Variants in PARP4 observed in about 807,000 individuals in gnomAD.
PARP4 encodes the protein poly(ADP-ribose) polymerase family member 4.
PARP4 carries 120 observed loss-of-function variants against 187.7 expected under a neutral mutation model. The ratio of observed to expected loss-of-function variants is 0.64; its 90% confidence interval spans 0.55 to 0.74. The LOEUF is 0.74. PARP4 is among the 30% of genes least tolerant of loss of function. The pLI is 0.00. For synonymous variants in PARP4, 654 were observed against 740.9 expected (o/e 0.88, Z 1.90); for missense variants, 1,836 against 2,070.5 (o/e 0.89, Z 2.20).
intron 8 of PARP4, among the ~76,000 whole-genome samples, 156 bp from the exon 9 acceptor site, chr13:24,492,750 G>A (rs140298647): frequency 6.6e-6 from 1 of 152,300 alleles, no homozygotes; most frequent in East Asian, 1.9e-4. Flanking sequence ...TATTGGAGAC[G>A]TATCTCAGTT....
chr13:24,443,598 T>G, intron 28 of PARP4, 52 bp downstream of exon 28: 1 of 1,301,366 alleles, frequency 7.7e-7, no homozygotes, highest in Non-Finnish European at 1.1e-6. Context: ...AAAATCAATG[T>G]AAGAATGCTC....
At chr13:24,499,605 G>A (rs1198175576) in intron 4 of PARP4, among the ~76,000 whole-genome samples, 1 of 152,144 alleles carries the variant, frequency 6.6e-6, no homozygotes, top group East Asian at 1.9e-4. Context: ...CTCCAGCTCA[G>A]ATACCCAGCA....
At chr13:24,425,410 T>C (rs1041173962) in intron 33 of PARP4, among the ~76,000 whole-genome samples, 6 of 152,302 alleles carry the variant, frequency 3.9e-5, no homozygotes, top group African/African-American at 1.4e-4. Flanking sequence ...CTAGCTTCTA[T>C]CTTTGTCCCC....
chr13:24,482,933 C>A (rs981089987), intron 12 of PARP4, among the ~76,000 whole-genome samples: 1 of 152,206 alleles, frequency 6.6e-6, no homozygotes, highest in Non-Finnish European at 1.5e-5. Context: ...ATGTAGGACT[C>A]CACCAAAATG....
intron 11 of PARP4, among the ~76,000 whole-genome samples, chr13:24,485,527 C>G (rs1333912607): frequency 1.3e-5 from 2 of 152,030 alleles, no homozygotes; most frequent in Non-Finnish European, 2.9e-5. Context: ...CCAGGTGGAT[C>G]TTGTATGTTT....
rs751235427 is a variant in PARP4 at position 24,493,748 on chromosome 13, T to C, written c.742-15A>G. 86 of 1,612,506 alleles carry C rather than the reference T, an allele frequency of 5.3e-5. No homozygotes were observed. Among genetic ancestry groups the C allele is most frequent in the Middle Eastern group, 1.6e-4 (1 of 6,076 alleles). Reference sequence around the variant, plus strand: ...TCCAAAAGCAACTACAATAATAAAATAGAAATGCCACCAAAAAGTCATCAT... The same window carrying C: ...TCCAAAAGCAACTACAATAATAAAACAGAAATGCCACCAAAAAGTCATCAT... On this transcript the variant is annotated splice_polypyrimidine_tract_variant and intron_variant, in intron 7 of 33. Coordinates refer to ENST00000381989, the MANE Select transcript of PARP4 (RefSeq NM_006437.4).
chr13:24,423,162 C>T (rs1394421515), intron 33 of PARP4, among the ~76,000 whole-genome samples: 5 of 152,122 alleles, frequency 3.3e-5, no homozygotes, highest in African/African-American at 9.7e-5. Flanking sequence ...TTTTTAGTCC[C>T]ACCTCCTAGC....
chr13:24,449,833 A>T lies in PARP4; in HGVS notation c.3015-16T>A. The T allele has an allele frequency of 6.7e-7, 1 of 1,483,702 alleles. No homozygotes were observed. The highest frequency in any genetic ancestry group is 9.4e-7 in the Non-Finnish European group (1 of 1,066,982). The allele number at this position is 1,483,702 out of a possible 1,614,324, so 91.9% of individuals were successfully genotyped here. The stretch of plus-strand genomic sequence containing the variant: ...TGCTGTAGAACTGATCACATTTCAC[A>T]TGTTTTAATTTTGAAGACATTAGAA... On this transcript the variant is annotated splice_polypyrimidine_tract_variant and intron_variant, in intron 24 of 33. Transcript: ENST00000381989.
intron 33 of PARP4, among the ~76,000 whole-genome samples, chr13:24,421,705 C>T (rs1474787154): frequency 2.0e-5 from 3 of 152,416 alleles, no homozygotes; most frequent in East Asian, 3.9e-4. Flanking sequence ...TCTCTCCTTC[C>T]CACTGTACTG....
intron 32 of PARP4, among the ~76,000 whole-genome samples, chr13:24,428,686 T>C (rs978852863): frequency 1.3e-5 from 2 of 152,156 alleles, no homozygotes; most frequent in Non-Finnish European, 2.9e-5. Context: ...TTGGCCAGGC[T>C]GGTCTCGAAA....
chr13:24,446,074 A>G (rs1324986686), intron 27 of PARP4, among the ~76,000 whole-genome samples: 1 of 152,240 alleles, frequency 6.6e-6, no homozygotes, highest in Non-Finnish European at 1.5e-5. Context: ...CACATCCTCA[A>G]TATACGATAT....
At chr13:24,506,878 G>A (rs114748461) in intron 1 of PARP4, among the ~76,000 whole-genome samples, 2,223 of 152,326 alleles carry the variant, frequency 0.015, 59 homozygotes, top group African/African-American at 0.05. Context: ...CCTGCGGGAC[G>A]CTCGTGCTGC....
intron 25 of PARP4, among the ~76,000 whole-genome samples, chr13:24,449,328 C>T (rs1475167132): frequency 2.1e-5 from 3 of 141,410 alleles, no homozygotes; most frequent in Admixed American, 7.6e-5. Context: ...GCAGAGCTTG[C>T]AGTGAGCCGA....
intron 7 of PARP4, 121 bp from the exon 8 acceptor site, chr13:24,493,854 TC>T: frequency 1.1e-6 from 1 of 907,090 alleles, no homozygotes; most frequent in Non-Finnish European, 1.7e-6. Flanking sequence ...AGGAGAGTCA[TC>T]CCCAGCCAGG....
chr13:24,453,022 C>T (rs768821566), intron 23 of PARP4, among the ~76,000 whole-genome samples: 2 of 152,058 alleles, frequency 1.3e-5, no homozygotes, highest in African/African-American at 4.8e-5. Flanking sequence ...GCAACTTCTA[C>T]CTCCTGGGTT....
intron 32 of PARP4, among the ~76,000 whole-genome samples, chr13:24,426,919 A>G (rs1371284481): frequency 2.8e-5 from 4 of 143,194 alleles, no homozygotes; most frequent in Non-Finnish European, 3.1e-5. Flanking sequence ...AAAAAAAAAG[A>G]ATTATAATAC....
Position 24,434,865 on chromosome 13 carries a change from CAGA to C in PARP4, c.4273_4275del (p.Ser1425del), listed in dbSNP as rs1870534153. 1 of 1,613,984 alleles carries C rather than the reference CAGA, an allele frequency of 6.2e-7. No homozygotes were observed. Among genetic ancestry groups the C allele is most frequent in the Admixed American group, 1.7e-5 (1 of 59,994 alleles). ...GAATCCAGCTCAGGGAAGGTGCCAG[CAGA>C]AGGCCTGGTAGTAAAGCCTCCAGGA... On this transcript the variant is annotated inframe_deletion, in exon 31 of 34. Coordinates refer to ENST00000381989, the MANE Select transcript of PARP4 (RefSeq NM_006437.4).
At chr13:24,504,812 G>A (rs997182689) in intron 1 of PARP4, among the ~76,000 whole-genome samples, 1 of 151,342 alleles carries the variant, frequency 6.6e-6, no homozygotes, top group African/African-American at 2.4e-5. Flanking sequence ...TCCTGCCTCG[G>A]TCTCCCAAGT....
chr13:24,443,351 G>T (rs1478033289), intron 28 of PARP4, among the ~76,000 whole-genome samples: 1 of 152,122 alleles, frequency 6.6e-6, no homozygotes, highest in Non-Finnish European at 1.5e-5. Flanking sequence ...GATCTGAGGT[G>T]ACGTCCACTA....
Sources: gnomAD v4.1 joint callset for allele counts (sites outside exome capture counted in the v4.1 genomes callset) on GRCh38, gnomAD v4.1.1 for gene constraint, MANE v1.5 for transcripts, NCBI Gene and HGNC (gene_info 2026-07-23, HGNC 2026-07-21) for gene names.